XPO4: variants seen among roughly 807,000 people sequenced by gnomAD.
XPO4 encodes exportin 4, also known as exportin-4.
In XPO4, 39 loss-of-function variants were observed where a neutral mutation model predicts 143.0. The ratio of observed to expected loss-of-function variants is 0.27; its 90% CI spans 0.21 to 0.36. The LOEUF (loss-of-function observed/expected upper bound fraction) is 0.36, where lower values mean the gene tolerates loss of function less well. XPO4 is among the 10% of genes least tolerant of loss of function. The pLI is 1.00. For missense variants in XPO4, 907 were observed against 1,348.0 expected, an observed-to-expected ratio of 0.67 and a Z score of 5.12; for synonymous variants, 439 against 474.0, an observed-to-expected ratio of 0.93 and a Z score of 0.96.
intron 1 of XPO4, among the ~76,000 whole-genome samples, chr13:20,898,647 T>C (rs1438304840): frequency 2.0e-5 from 3 of 152,140 alleles, no homozygotes; most frequent in Non-Finnish European, 4.4e-5. Flanking sequence ...TCTTATATTA[T>C]TGCTACACAC....
At chr13:20,874,875 C>T (rs1193789734) in intron 1 of XPO4, among the ~76,000 whole-genome samples, 1 of 152,112 alleles carries the variant, frequency 6.6e-6, no homozygotes, top group African/African-American at 2.4e-5. Context: ...TGCCTATAAT[C>T]CCAGCTACTC....
intron 4 of XPO4, among the ~76,000 whole-genome samples, chr13:20,845,126 C>G (rs1489390841): frequency 6.6e-6 from 1 of 152,220 alleles, no homozygotes; most frequent in South Asian, 2.1e-4. Context: ...GAGCCGAGAT[C>G]GCGCCACTAC....
chr13:20,856,986 G>T, intron 3 of XPO4: 4 of 614,210 alleles, frequency 6.5e-6, no homozygotes, highest in Non-Finnish European at 8.1e-6. Flanking sequence ...CACACTACCT[G>T]CTGCATAACA....
chr13:20,894,131 G>A (rs930971631), intron 1 of XPO4, among the ~76,000 whole-genome samples: 1 of 152,190 alleles, frequency 6.6e-6, no homozygotes, highest in African/African-American at 2.4e-5. Flanking sequence ...TGTAAGCCAC[G>A]GTGTCCAGCC....
intron 1 of XPO4, among the ~76,000 whole-genome samples, chr13:20,869,044 T>A (rs371555171): frequency 6.6e-6 from 1 of 152,160 alleles, no homozygotes; most frequent in Non-Finnish European, 1.5e-5. Context: ...ATATACCACT[T>A]GGACTAACTT....
chr13:20,845,008 T>C (rs2060016873), intron 4 of XPO4, among the ~76,000 whole-genome samples: 2 of 152,096 alleles, frequency 1.3e-5, no homozygotes, highest in African/African-American at 4.8e-5. Context: ...CTGTCTCTAC[T>C]AAAAATACAA....
chr13:20,871,395 C>T (rs2060297017), intron 1 of XPO4, among the ~76,000 whole-genome samples: 1 of 152,290 alleles, frequency 6.6e-6, no homozygotes, highest in East Asian at 1.9e-4. Flanking sequence ...TCATAGTTCA[C>T]TGTAACCTCA....
chr13:20,796,742 G>C (rs775218295), intron 17 of XPO4, 22 bp downstream of exon 17: 19 of 1,540,356 alleles, frequency 1.2e-5, no homozygotes, highest in Non-Finnish European at 1.6e-5. Context: ...ATCCTGAGGG[G>C]ATAAAATTAG....
At chr13:20,820,177 G>A (rs915876513) in intron 9 of XPO4, among the ~76,000 whole-genome samples, 1 of 152,180 alleles carries the variant, frequency 6.6e-6, no homozygotes, top group African/African-American at 2.4e-5. Flanking sequence ...ACTAGAGCAC[G>A]CCTGCTGTGA....
intron 2 of XPO4, among the ~76,000 whole-genome samples, chr13:20,867,095 C>T (rs954382334): frequency 2.0e-5 from 3 of 152,154 alleles, no homozygotes; most frequent in African/African-American, 2.4e-5. Flanking sequence ...CTCTTTATGC[C>T]GTTTAGTTTT....
At chr13:20,866,158 T>A in intron 2 of XPO4, 1 of 985,302 alleles carries the variant, frequency 1.0e-6, no homozygotes, top group South Asian at 4.7e-5. Context: ...AATTACTAAG[T>A]GCCAAAGACT....
At chr13:20,795,269 T>C (rs1009023240) in intron 18 of XPO4, among the ~76,000 whole-genome samples, 2 of 152,170 alleles carry the variant, frequency 1.3e-5, no homozygotes, top group South Asian at 2.1e-4. Context: ...GGCAGTGAGA[T>C]AGGAGGGGAG....
chr13:20,902,410 T>C (rs888794797), intron 1 of XPO4: 1 of 985,252 alleles, frequency 1.0e-6, no homozygotes, highest in Non-Finnish European at 1.2e-6. Context: ...AGAAATTCTC[T>C]TTGCTACACC....
At chr13:20,819,860 T>C (rs1349355134) in intron 9 of XPO4, among the ~76,000 whole-genome samples, 12 of 152,176 alleles carry the variant, frequency 7.9e-5, no homozygotes, top group Non-Finnish European at 5.9e-5. Context: ...ACTCCCAGCA[T>C]ACAGAAGATA....
intron 3 of XPO4, among the ~76,000 whole-genome samples, chr13:20,859,243 AAGAT>A (rs1487820573): frequency 2.0e-5 from 3 of 151,432 alleles, no homozygotes; most frequent in African/African-American, 7.3e-5. Flanking sequence ...CCGAGATGGG[AAGAT>A]CATGAGGTCA....
intron 1 of XPO4, among the ~76,000 whole-genome samples, chr13:20,878,480 T>C (rs941306608): frequency 5.9e-5 from 9 of 152,238 alleles, no homozygotes; most frequent in African/African-American, 4.8e-5. Context: ...TAGTCATACA[T>C]TGGTTTATAA....
At chr13:20,852,975 T>G in intron 4 of XPO4, 1 of 985,398 alleles carries the variant, frequency 1.0e-6, no homozygotes, top group Non-Finnish European at 1.2e-6. Flanking sequence ...CTAAAGCTCA[T>G]GACATGCTGA....
chr13:20,863,895 A>C (rs982034845), intron 2 of XPO4, among the ~76,000 whole-genome samples: 1 of 152,184 alleles, frequency 6.6e-6, no homozygotes, highest in African/African-American at 2.4e-5. Flanking sequence ...TTTCTCTCCT[A>C]TTCAAGCTCA....
chr13:20,861,777 C>T lies in XPO4; in HGVS notation c.317+940G>A, dbSNP rs550404519. On this transcript the variant is annotated intron_variant, in intron 3 of 22. Transcript: ENST00000255305. ...TTAATAGAACCTTGCACATTTCTCTCTTTTTTTTTTTTTTTTTTTTTTTTT... is the reference window on the plus strand; with the variant it reads ...TTAATAGAACCTTGCACATTTCTCTTTTTTTTTTTTTTTTTTTTTTTTTTT... Among the ~76,000 whole-genome samples, 195 of 73,430 alleles carry T rather than the reference C, an allele frequency of 2.7e-3. 6 individuals are homozygous for T. Among genetic ancestry groups the T allele is most frequent in the South Asian group, 0.016 (24 of 1,506 alleles). The allele number at this position is 73,430 out of a possible 152,430, so 48.2% of individuals were successfully genotyped here. A position where few individuals can be genotyped will look rare whatever the true frequency, so the allele number is the denominator to read the frequency against.
Sources: allele counts gnomAD v4.1 joint callset (sites outside exome capture counted in the v4.1 genomes callset), GRCh38; gene constraint gnomAD v4.1.1; transcripts MANE v1.5; gene names NCBI Gene and HGNC (gene_info 2026-07-23, HGNC 2026-07-21).